C11orf65: variants seen among roughly 807,000 people sequenced by gnomAD.
The protein encoded by C11orf65 is protein MFI.
A neutral mutation model predicts 35.3 loss-of-function variants in C11orf65; 38 were observed. That is an observed-to-expected ratio of 1.08 (90% CI 0.83 to 1.41). The LOEUF is 1.41. Among genes scored for constraint, C11orf65 ranks in the 40% most tolerant of loss-of-function variants. The pLI is 0.00. For synonymous variants in C11orf65, 105 were observed against 114.4 expected, an observed-to-expected ratio of 0.92 and a Z score of 0.53; for missense variants, 370 against 367.1, an observed-to-expected ratio of 1.01 and a Z score of -0.06.
intron 2 of C11orf65, among the ~76,000 whole-genome samples, chr11:108,450,911 T>C (rs1442786609): frequency 1.3e-5 from 2 of 151,966 alleles, no homozygotes; most frequent in South Asian, 2.1e-4. Context: ...AAAAACCACA[T>C]GATTATCTCA....
At chr11:108,318,722 A>G (rs562445258) in intron 6 of C11orf65, among the ~76,000 whole-genome samples, 3 of 152,200 alleles carry the variant, frequency 2.0e-5, no homozygotes, top group African/African-American at 7.2e-5. Flanking sequence ...TTACCCAGGA[A>G]GATAACATTT....
intron 2 of C11orf65, among the ~76,000 whole-genome samples, chr11:108,373,425 G>C (rs977286891): frequency 3.3e-5 from 5 of 152,202 alleles, no homozygotes; most frequent in African/African-American, 1.2e-4. Context: ...TCAGGAACAA[G>C]GCAAGGATGC....
rs552276359 is a variant in C11orf65, at chr11:108,365,064, T to C, written c.226+28144A>G. On this transcript the variant is annotated intron_variant, in intron 2 of 3. Transcript: ENST00000524755. Reference sequence around the variant, plus strand: ...AAATGTACATTGTTCTTTTAATACATATGTTCTCTCTGTTTAGGTCCTTCT... The same window carrying C: ...AAATGTACATTGTTCTTTTAATACACATGTTCTCTCTGTTTAGGTCCTTCT... 2 of 1,613,036 alleles carry C rather than the reference T, an allele frequency of 1.2e-6. No homozygotes were observed. Among genetic ancestry groups the C allele is most frequent in the South Asian group, 1.1e-5 (1 of 91,036 alleles).
chr11:108,443,502 C>A (rs935738396), intron 2 of C11orf65, among the ~76,000 whole-genome samples: 1 of 152,164 alleles, frequency 6.6e-6, no homozygotes, highest in South Asian at 2.1e-4. Flanking sequence ...AACTCTCCAC[C>A]CCAAATCAAG....
At chr11:108,341,475 C>T (rs1231045186) in intron 2 of C11orf65, among the ~76,000 whole-genome samples, 1 of 152,008 alleles carries the variant, frequency 6.6e-6, no homozygotes, top group Non-Finnish European at 1.5e-5. Context: ...TGCCTTTTTC[C>T]CACTCTGTTC....
intron 2 of C11orf65, among the ~76,000 whole-genome samples, 181 bp from the exon 3 acceptor site, chr11:108,432,019 T>C (rs1408427094): frequency 2.0e-5 from 3 of 152,194 alleles, no homozygotes; most frequent in African/African-American, 7.2e-5. Flanking sequence ...AGTATTAGTA[T>C]AATTCTCACA....
At chr11:108,325,959 C>A in intron 6 of C11orf65, 1 of 1,427,352 alleles carries the variant, frequency 7.0e-7, no homozygotes, top group African/African-American at 1.4e-5. Flanking sequence ...GTAGTTAAGT[C>A]CTCAATGAAT....
intron 7 of C11orf65, among the ~76,000 whole-genome samples, chr11:108,390,455 T>C (rs1241025848): frequency 1.3e-5 from 2 of 152,234 alleles, no homozygotes; most frequent in Non-Finnish European, 2.9e-5. Flanking sequence ...TTTTATTCTT[T>C]TTATATTCCA....
At chr11:108,376,379 G>T (rs975061974) in intron 2 of C11orf65, among the ~76,000 whole-genome samples, 4 of 151,872 alleles carry the variant, frequency 2.6e-5, no homozygotes, top group Non-Finnish European at 4.4e-5. Context: ...TCCTGAATGG[G>T]TACAGTACAT....
In C11orf65 at chr11:108,354,848, C is replaced by T. The variant is rs1591314316; in HGVS notation, c.227-19556G>A. The T allele has an allele frequency of 2.5e-6, 4 of 1,613,812 alleles. No individual in the cohort carries two copies. The highest frequency in any genetic ancestry group is 3.4e-6 in the Non-Finnish European group (4 of 1,179,718). Reference sequence around the variant, plus strand: ...AACCATGGAAGTGATGAGAAACTCTCAGGAAACTCTGTTAACCATTGTAGA... The same window carrying T: ...AACCATGGAAGTGATGAGAAACTCTTAGGAAACTCTGTTAACCATTGTAGA... On this transcript the variant is annotated intron_variant, in intron 2 of 3. Coordinates refer to the C11orf65 transcript ENST00000524755.
downstream of C11orf65, among the ~76,000 whole-genome samples, chr11:108,330,985 G>T (rs1241853989): frequency 1.3e-5 from 2 of 152,130 alleles, no homozygotes; most frequent in East Asian, 3.8e-4. Flanking sequence ...TTGAAGGTTA[G>T]AGATAAAATG....
chr11:108,463,662 T>C (rs555811414), intron 1 of C11orf65, among the ~76,000 whole-genome samples: 1 of 152,260 alleles, frequency 6.6e-6, no homozygotes, highest in East Asian at 1.9e-4. Context: ...TGGGGACTCA[T>C]TGTACCTAAC....
chr11:108,444,710 T>C (rs1294279913), intron 2 of C11orf65, among the ~76,000 whole-genome samples: 1 of 152,088 alleles, frequency 6.6e-6, no homozygotes, highest in Non-Finnish European at 1.5e-5. Flanking sequence ...TGAATTTCCA[T>C]CTGAGGTACC....
chr11:108,393,951 A>T (rs2092237845), intron 6 of C11orf65, among the ~76,000 whole-genome samples: 1 of 152,110 alleles, frequency 6.6e-6, no homozygotes. Flanking sequence ...GGAGGCCAAC[A>T]TGGGTGGATC....
intron 2 of C11orf65, among the ~76,000 whole-genome samples, chr11:108,460,372 C>A (rs915815139): frequency 6.6e-5 from 10 of 152,150 alleles, no homozygotes; most frequent in Non-Finnish European, 1.3e-4. Flanking sequence ...TCTCACCCAA[C>A]CAGATAATTC....
chr11:108,354,778 C>T lies in C11orf65; in HGVS notation c.227-19486G>A, dbSNP rs3741058. On this transcript the variant is annotated intron_variant, in intron 2 of 3. Transcript: ENST00000524755. Reference sequence around the variant, plus strand: ...ATACGTTGACAACATTGGTGTGTAACAAAATCCGTATTTATAATGTGTTTG... The same window carrying T: ...ATACGTTGACAACATTGGTGTGTAATAAAATCCGTATTTATAATGTGTTTG... 7.4e-5 allele frequency: 117 copies of T among 1,585,956 alleles called. No homozygotes were observed. In the East Asian group the frequency reaches 2.5e-3, roughly 34 times the overall value.
rs887689725 is a variant in C11orf65 at position 108,333,134 on chromosome 11, C to A, written c.300-1567G>T. ...TAATTATTTGATTTCTTCTGATAATCTTCTGGCATACATACTTATTACAGA... is the reference window on the plus strand; with the variant it reads ...TAATTATTTGATTTCTTCTGATAATATTCTGGCATACATACTTATTACAGA... On this transcript the variant is annotated intron_variant, in intron 3 of 3. Coordinates refer to the C11orf65 transcript ENST00000524755. 2.0e-5 allele frequency among the ~76,000 whole-genome samples: 3 copies of A among 152,116 alleles called. No homozygotes were observed. The East Asian group carries it at 5.8e-4, about 29-fold the overall frequency.
At chr11:108,423,888 A>T (rs2092859285) in intron 3 of C11orf65, among the ~76,000 whole-genome samples, 1 of 152,224 alleles carries the variant, frequency 6.6e-6, no homozygotes, top group African/African-American at 2.4e-5. Flanking sequence ...ATCCACACAG[A>T]AACCCCATTC....
intron 3 of C11orf65, among the ~76,000 whole-genome samples, chr11:108,424,755 T>C (rs144438876): frequency 0.022 from 3,386 of 152,234 alleles, 92 homozygotes; most frequent in African/African-American, 0.07. Flanking sequence ...GACCACATAA[T>C]TGGAAGTAAA....
Sources: allele counts gnomAD v4.1 joint callset (sites outside exome capture counted in the v4.1 genomes callset), GRCh38; gene constraint gnomAD v4.1.1; transcripts MANE v1.5; gene names NCBI Gene and HGNC (gene_info 2026-07-23, HGNC 2026-07-21).